LAMA1: variants seen among roughly 807,000 people sequenced by gnomAD.
LAMA1 encodes the protein laminin subunit alpha-1.
Under a neutral mutation model 348.7 loss-of-function variants are expected in LAMA1, and 219 were observed. The ratio of observed to expected loss-of-function variants is 0.63; its 90% CI spans 0.56 to 0.70. The LOEUF is 0.70. Among genes scored for constraint, LAMA1 ranks in the 30% least tolerant of loss-of-function variants. LAMA1 has a pLI of 0.00. For missense variants in LAMA1, 3,744 were observed against 3,888.0 expected (o/e 0.96, Z 0.99); for synonymous variants, 1,487 against 1,491.0 (o/e 1.00, Z 0.06).
intron 47 of LAMA1, chr18:6,972,262 G>C: frequency 2.5e-6 from 1 of 407,366 alleles, no homozygotes; most frequent in South Asian, 2.1e-5. Context: ...CAGAGAGCCA[G>C]AGAATGTGAT....
At chr18:7,032,920 T>C (rs1315501424) in intron 15 of LAMA1, 64 bp downstream of exon 15, 1 of 1,188,516 alleles carries the variant, frequency 8.4e-7, no homozygotes, top group Non-Finnish European at 1.2e-6. Flanking sequence ...GACATCCCCT[T>C]CAGTGCACTG....
intron 30 of LAMA1, 101 bp from the exon 31 acceptor site, chr18:7,000,098 A>G (rs762843509): frequency 1.2e-6 from 1 of 853,524 alleles, no homozygotes; most frequent in Middle Eastern, 2.4e-4. Flanking sequence ...ACTGGTCTCA[A>G]AGTTATGTGA....
intron 19 of LAMA1, among the ~76,000 whole-genome samples, 181 bp downstream of exon 19, chr18:7,022,983 G>C (rs1173530470): frequency 1.3e-5 from 2 of 152,138 alleles, no homozygotes; most frequent in Non-Finnish European, 2.9e-5. Context: ...CTCAGGATAG[G>C]GTAGCTAGGG....
chr18:6,953,015 C>G (rs1369316826), intron 57 of LAMA1, among the ~76,000 whole-genome samples: 3 of 92,436 alleles, frequency 3.2e-5, no homozygotes, highest in South Asian at 9.5e-4. Context: ...TGCCTGTGTC[C>G]AGTGGATCCA....
intron 1 of LAMA1, among the ~76,000 whole-genome samples, chr18:7,088,158 C>T (rs538619079): frequency 1.3e-5 from 2 of 152,306 alleles, no homozygotes; most frequent in Admixed American, 1.3e-4. Context: ...AAAGGCTGAC[C>T]TCAGCTCAGC....
At position 6,956,108 on chromosome 18, in the gene LAMA1, G is replaced by T. The variant is rs113627832; in HGVS notation, c.8094+528C>A. On this transcript the variant is annotated intron_variant, in intron 56 of 62. Coordinates refer to ENST00000389658, the MANE Select transcript of LAMA1 (RefSeq NM_005559.4). Reference sequence around the variant, plus strand: ...CTCAAAGCCTCGCCCTGCTCAGAAGGTCCTGCTCTTGAATGCTTCTGCCAT... The same window carrying T: ...CTCAAAGCCTCGCCCTGCTCAGAAGTTCCTGCTCTTGAATGCTTCTGCCAT... The T allele has an allele frequency of 7.0e-3, 2,213 of 315,778 alleles. 15 individuals are homozygous for T. Among genetic ancestry groups the T allele is most frequent in the Non-Finnish European group, 0.011 (1,730 of 163,572 alleles). The allele number at this position is 315,778 out of a possible 1,614,324, so 19.6% of individuals were successfully genotyped here.
intron 19 of LAMA1, among the ~76,000 whole-genome samples, chr18:7,021,563 C>A (rs181268759): frequency 6.6e-6 from 1 of 151,956 alleles, no homozygotes; most frequent in Non-Finnish European, 1.5e-5. Context: ...AATATACACT[C>A]AATTTTGATG....
intron 48 of LAMA1, among the ~76,000 whole-genome samples, chr18:6,969,250 C>T (rs1169172091): frequency 1.3e-5 from 2 of 152,004 alleles, no homozygotes; most frequent in Non-Finnish European, 2.9e-5. Context: ...TACAGGCGCA[C>T]GCCACCATGC....
intron 34 of LAMA1, 106 bp from the exon 35 acceptor site, chr18:6,993,858 A>G (rs546962977): frequency 7.0e-5 from 53 of 754,298 alleles, no homozygotes; most frequent in Non-Finnish European, 9.7e-6. Context: ...ATAAGCAACA[A>G]CATATATTCC....
intron 3 of LAMA1, 24 bp from the exon 4 acceptor site, chr18:7,050,960 C>T (rs756735387): frequency 2.5e-6 from 4 of 1,613,296 alleles, no homozygotes; most frequent in Non-Finnish European, 3.4e-6. Context: ...ACTGAAAAGT[C>T]TCAATCCAGA....
intron 29 of LAMA1, among the ~76,000 whole-genome samples, chr18:7,005,489 C>CAA (rs2057828060): frequency 1.3e-5 from 2 of 152,212 alleles, no homozygotes; most frequent in Non-Finnish European, 2.9e-5. Context: ...TGGCTCATGC[C>CAA]TGTAATCCCA....
intron 1 of LAMA1, among the ~76,000 whole-genome samples, chr18:7,107,974 A>G (rs2058320444): frequency 6.6e-6 from 1 of 151,878 alleles, no homozygotes. Flanking sequence ...AGATCGCGCC[A>G]CTGCACTCCA....
intron 34 of LAMA1, among the ~76,000 whole-genome samples, chr18:6,994,442 C>A (rs1299939608): frequency 6.6e-6 from 1 of 152,274 alleles, no homozygotes; most frequent in Non-Finnish European, 1.5e-5. Flanking sequence ...TAGTCAAGAC[C>A]AAAGAGAATA....
chr18:7,095,839 C>T lies in LAMA1; in HGVS notation c.62-15382G>A, dbSNP rs146193707. On this transcript the variant is annotated intron_variant, in intron 1 of 62. Coordinates refer to ENST00000389658, the MANE Select transcript of LAMA1 (RefSeq NM_005559.4). ...ATCCCAGCACTTTGGGAGGCCCAGG[C>T]GGGCAGATCATGAGGTCAGGAATTG... Among the ~76,000 whole-genome samples the T allele has an allele frequency of 5.8e-3, 885 of 152,274 alleles. 9 individuals carry two copies. Among genetic ancestry groups the T allele is most frequent in the African/African-American group, 0.02 (842 of 41,556 alleles).
intron 9 of LAMA1, among the ~76,000 whole-genome samples, chr18:7,041,399 C>A (rs2058019892): frequency 6.6e-6 from 1 of 152,088 alleles, no homozygotes; most frequent in African/African-American, 2.4e-5. Context: ...TTATCATCGT[C>A]ATCATCCCCT....
At chr18:7,117,341 C>A (rs1598328083) in intron 1 of LAMA1, among the ~76,000 whole-genome samples, 1 of 152,040 alleles carries the variant, frequency 6.6e-6, no homozygotes, top group Non-Finnish European at 1.5e-5. Flanking sequence ...CCCGCCACCC[C>A]CAGCACTGCT....
At chr18:7,081,485 C>G (rs917320196) in intron 1 of LAMA1, among the ~76,000 whole-genome samples, 2 of 152,134 alleles carry the variant, frequency 1.3e-5, no homozygotes, top group Non-Finnish European at 1.5e-5. Context: ...CACAAAGATA[C>G]AGTTTTCAAA....
chr18:7,081,948 T>C (rs1428585061), intron 1 of LAMA1, among the ~76,000 whole-genome samples: 1 of 152,234 alleles, frequency 6.6e-6, no homozygotes, highest in Non-Finnish European at 1.5e-5. Flanking sequence ...ACAGAAGGAA[T>C]TCATGGCTTC....
At chr18:6,998,632 TAACAG>T in intron 32 of LAMA1, among the ~76,000 whole-genome samples, 1 of 152,182 alleles carries the variant, frequency 6.6e-6, no homozygotes, top group East Asian at 1.9e-4. Context: ...GCCATGGTCC[TAACAG>T]GCCTCCCTAT....
Sources: allele counts gnomAD v4.1 joint callset (sites outside exome capture counted in the v4.1 genomes callset), GRCh38; gene constraint gnomAD v4.1.1; transcripts MANE v1.5; gene names NCBI Gene and HGNC (gene_info 2026-07-23, HGNC 2026-07-21).